The following TBC1D5 variants were observed in gnomAD, a reference collection of about 807,000 sequenced individuals.
The protein encoded by TBC1D5 is TBC1 domain family member 5.
Under a neutral mutation model 100.3 loss-of-function variants are expected in TBC1D5, and 75 were observed. The ratio of observed to expected loss-of-function variants is 0.75; its 90% CI spans 0.62 to 0.91. TBC1D5 has a LOEUF of 0.91. Among genes scored for constraint, TBC1D5 ranks in the 40% least tolerant of loss-of-function variants. The probability of loss-of-function intolerance (pLI) is 0.00; values close to 1 mark genes in which losing one functional copy is unlikely to be tolerated. For synonymous variants in TBC1D5, 323 were observed against 325.6 expected (o/e 0.99, Z 0.09); for missense variants, 910 against 942.4 (o/e 0.97, Z 0.45).
chr3:17,612,182 C>T (rs184856839), intron 2 of TBC1D5, among the ~76,000 whole-genome samples: 1 of 151,638 alleles, frequency 6.6e-6, no homozygotes, highest in East Asian at 1.9e-4. Flanking sequence ...TACCTGTAGT[C>T]CCAGTTACTT....
At chr3:17,590,344 T>A (rs2096758833) in intron 2 of TBC1D5, among the ~76,000 whole-genome samples, 1 of 152,034 alleles carries the variant, frequency 6.6e-6, no homozygotes, top group Non-Finnish European at 1.5e-5. Context: ...GCTAGAGGAG[T>A]TAAAACAGGT....
chr3:17,491,024 C>G (rs867763697), intron 3 of TBC1D5, among the ~76,000 whole-genome samples: 48 of 152,318 alleles, frequency 3.2e-4, no homozygotes, highest in African/African-American at 1.1e-3. Context: ...AGGTCCTTCA[C>G]TTCCCTTGTT....
chr3:17,685,926 T>C lies in TBC1D5; in HGVS notation c.-101+53417A>G, dbSNP rs148490270. Among the ~76,000 whole-genome samples, 452 of 152,296 alleles carry C rather than the reference T, an allele frequency of 3.0e-3. 4 individuals are homozygous for C. Among genetic ancestry groups the C allele is most frequent in the African/African-American group, 9.9e-3 (412 of 41,576 alleles). ...TTATTACAGATGGCATTTCATTCAC[T>C]AGTGGACAATGTTTTACAATTCTAA... On this transcript the variant is annotated intron_variant, in intron 1 of 21. Transcript: ENST00000253692.
intron 21 of TBC1D5, 142 bp downstream of exon 22, chr3:17,166,624 CA>C (rs1287490592): frequency 2.7e-5 from 30 of 1,093,346 alleles, no homozygotes; most frequent in Non-Finnish European, 3.6e-5. Context: ...ACAGCCTGCA[CA>C]GCTGTACACA....
At chr3:17,580,560 C>T (rs975202087) in intron 2 of TBC1D5, among the ~76,000 whole-genome samples, 4 of 152,244 alleles carry the variant, frequency 2.6e-5, no homozygotes, top group Admixed American at 2.0e-4. Context: ...TACTTGTACA[C>T]ACTGCTTTAA....
chr3:17,663,497 C>T (rs1047736262), intron 1 of TBC1D5, among the ~76,000 whole-genome samples: 19 of 152,164 alleles, frequency 1.2e-4, no homozygotes, highest in East Asian at 1.2e-3. Flanking sequence ...GCATTAAAAA[C>T]GGGTACATTA....
intron 15 of TBC1D5, among the ~76,000 whole-genome samples, chr3:17,269,955 T>A (rs554149127): frequency 6.6e-6 from 1 of 152,320 alleles, no homozygotes; most frequent in South Asian, 2.1e-4. Flanking sequence ...GCAATTAACA[T>A]AAGCATGTAT....
chr3:17,174,008 T>A (rs1248993876), intron 19 of TBC1D5, among the ~76,000 whole-genome samples: 1 of 152,194 alleles, frequency 6.6e-6, no homozygotes, highest in African/African-American at 2.4e-5. Context: ...CAACCTCCAG[T>A]ACATGGTGTG....
chr3:17,407,757 G>A lies in TBC1D5; in HGVS notation c.168-1231C>T, dbSNP rs536080873. 8.5e-4 allele frequency among the ~76,000 whole-genome samples: 130 copies of A among 152,192 alleles called. 2 individuals are homozygous for A. Among genetic ancestry groups the A allele is most frequent in the Non-Finnish European group, 1.6e-3 (109 of 68,008 alleles). On this transcript the variant is annotated intron_variant, in intron 4 of 21. Coordinates refer to ENST00000253692, the Ensembl canonical transcript of TBC1D5. ...GAACTTCCAGCTTTAACCCAGTAGC[G>A]TTGTGATCCTCAAACACAACAAGCC... is the stretch of plus-strand genomic sequence containing the variant.
chr3:17,296,114 A>C (rs2082229222), intron 14 of TBC1D5, among the ~76,000 whole-genome samples: 1 of 152,256 alleles, frequency 6.6e-6, no homozygotes, highest in Non-Finnish European at 1.5e-5. Context: ...AAAGGCCAAG[A>C]ATAGCAAATA....
intron 13 of TBC1D5, among the ~76,000 whole-genome samples, chr3:17,342,481 T>C (rs946006335): frequency 1.3e-5 from 2 of 152,252 alleles, no homozygotes; most frequent in South Asian, 2.1e-4. Flanking sequence ...GCTGTATTTC[T>C]AGTTAGTACA....
chr3:17,478,238 T>C (rs1157812405), intron 3 of TBC1D5, among the ~76,000 whole-genome samples: 1 of 152,200 alleles, frequency 6.6e-6, no homozygotes, highest in African/African-American at 2.4e-5. Context: ...GGTAATGCCA[T>C]CTTTTTTTGG....
chr3:17,256,721 G>T (rs925849430), intron 16 of TBC1D5, among the ~76,000 whole-genome samples: 6 of 152,176 alleles, frequency 3.9e-5, no homozygotes, highest in African/African-American at 1.2e-4. Flanking sequence ...GCCCTCAGGG[G>T]CTTAGATTTT....
At chr3:17,270,635 C>A (rs1272847352) in intron 15 of TBC1D5, among the ~76,000 whole-genome samples, 1 of 152,130 alleles carries the variant, frequency 6.6e-6, no homozygotes, top group Non-Finnish European at 1.5e-5. Context: ...TGAGTTCTCA[C>A]TTGTCAGTTT....
At chr3:17,201,807 G>A (rs886573320) in intron 18 of TBC1D5, among the ~76,000 whole-genome samples, 5 of 152,108 alleles carry the variant, frequency 3.3e-5, no homozygotes, top group East Asian at 3.9e-4. Context: ...CCCCAGCCAC[G>A]CTTCCTGTAC....
chr3:17,177,819 T>C (rs1285938688), intron 19 of TBC1D5, among the ~76,000 whole-genome samples: 1 of 152,224 alleles, frequency 6.6e-6, no homozygotes, highest in Non-Finnish European at 1.5e-5. Flanking sequence ...GATACGGGCA[T>C]GTAATGCATA....
intron 15 of TBC1D5, among the ~76,000 whole-genome samples, chr3:17,287,830 A>G (rs2081323368): frequency 6.6e-6 from 1 of 152,222 alleles, no homozygotes; most frequent in Non-Finnish European, 1.5e-5. Flanking sequence ...GGTAGGATAA[A>G]GCGCTTTTCT....
At chr3:17,416,866 C>T (rs1270463444) in intron 4 of TBC1D5, among the ~76,000 whole-genome samples, 3 of 152,154 alleles carry the variant, frequency 2.0e-5, no homozygotes, top group Non-Finnish European at 4.4e-5. Flanking sequence ...CTGGAAAGAA[C>T]TAGACCCAAG....
intron 1 of TBC1D5, among the ~76,000 whole-genome samples, chr3:17,689,820 T>C (rs1465226724): frequency 6.6e-6 from 1 of 152,114 alleles, no homozygotes; most frequent in Admixed American, 6.5e-5. Flanking sequence ...TGGTGAGTAG[T>C]GGCCAGGGAT....
Sources: allele counts gnomAD v4.1 joint callset (sites outside exome capture counted in the v4.1 genomes callset), GRCh38; gene constraint gnomAD v4.1.1; transcripts MANE v1.5; gene names NCBI Gene and HGNC (gene_info 2026-07-23, HGNC 2026-07-21).